The following KDELR3 variants were observed in gnomAD, a reference collection of about 807,000 sequenced individuals.
The protein encoded by KDELR3 is KDEL endoplasmic reticulum protein retention receptor 3.
In KDELR3, 26 loss-of-function variants were observed where a neutral mutation model predicts 22.7. The observed-to-expected ratio is 1.15, with a 90% CI of 0.84 to 1.59. The LOEUF (loss-of-function observed/expected upper bound fraction) is 1.59, where lower values mean the gene tolerates loss of function less well. Among genes scored for constraint, KDELR3 ranks in the 40% most tolerant of loss-of-function variants. KDELR3 has a pLI of 0.00. For missense variants in KDELR3, 289 were observed against 251.1 expected (o/e 1.15, Z -1.02); for synonymous variants, 120 against 98.2 (o/e 1.22, Z -1.31).
intron 2 of KDELR3, among the ~76,000 whole-genome samples, chr22:38,475,079 CAAAAAAAAAA>C (rs1018109138): frequency 7.3e-4 from 15 of 20,460 alleles, no homozygotes; most frequent in Non-Finnish European, 1.7e-3. Context: ...GACTCTGTCT[CAAAAAAAAAA>C]AAAAAAAAAA....
In KDELR3 at chr22:38,479,673, C is replaced by G. The variant is rs755785070; in HGVS notation, c.273C>G (p.Asp91Glu). The change falls in exon 3 of 5, where the codon GAC becomes GAG. Residue 91 changes from aspartate (D) to glutamate (E), a missense_variant. Asp to Glu is a conservative substitution (Grantham distance 45). Coordinates refer to ENST00000216014, the MANE Select transcript of KDELR3 (RefSeq NM_006855.4). ...KFRKTFDSEN[D>E]TFRLEFLLVP... ...GTAAAACTTTTGACAGTGAGAATGACACATTCCGCCTGGAGTTTCTTCTGG... is the reference window on the plus strand; with the variant it reads ...GTAAAACTTTTGACAGTGAGAATGAGACATTCCGCCTGGAGTTTCTTCTGG... The G allele has an allele frequency of 1.2e-6, 2 of 1,613,826 alleles. No individual in the cohort carries two copies. Among genetic ancestry groups the G allele is most frequent in the South Asian group, 1.1e-5 (1 of 91,084 alleles).
In KDELR3 at chr22:38,468,227, C is replaced by A. The variant is rs2089499027; in HGVS notation, c.-7C>A. 1.2e-6 allele frequency: 2 copies of A among 1,613,520 alleles called. No individual in the cohort carries two copies. Among genetic ancestry groups the A allele is most frequent in the Non-Finnish European group, 1.7e-6 (2 of 1,179,692 alleles). On this transcript the variant is annotated 5_prime_UTR_variant, in exon 1 of 5. It adds an upstream start codon to the 5' untranslated region. Coordinates refer to ENST00000216014, the MANE Select transcript of KDELR3 (RefSeq NM_006855.4). ...TGGGCGCGGGCGCACGACTGACTGG[C>A]TGGACCATGAACGTGTTCCGAATCC...
Position 38,474,584 on chromosome 22 carries a change from G to A in KDELR3, c.153G>A (p.Leu51=), listed in dbSNP as rs976330131. 1.9e-6 allele frequency: 3 copies of A among 1,614,060 alleles called. No individual in the cohort carries two copies. In the East Asian group the frequency reaches 6.7e-5, roughly 36 times the overall value. ...TCTTCACCACCAGGTACCTGGACCT[G>A]TTCACCAACTTCATCTCCATCTACA... is the stretch of plus-strand genomic sequence containing the variant. The part of the protein sequence containing the change: ...ALVFTTRYLD[L]FTNFISIYNT... The change falls in exon 2 of 5, where the codon CTG becomes CTA. Residue 51 remains leucine, a synonymous_variant. Coordinates refer to ENST00000216014, the MANE Select transcript of KDELR3 (RefSeq NM_006855.4).
chr22:38,474,324 A>G, intron 1 of KDELR3, 199 bp from the exon 2 acceptor site: 1 of 531,236 alleles, frequency 1.9e-6, no homozygotes, highest in South Asian at 2.4e-5. Flanking sequence ...CAGTTTAATG[A>G]GAGGAACGAC....
chr22:38,469,205 G>T (rs1048268554), intron 1 of KDELR3, among the ~76,000 whole-genome samples: 2 of 152,226 alleles, frequency 1.3e-5, no homozygotes, highest in African/African-American at 2.4e-5. Flanking sequence ...GGGCTCCGGG[G>T]ATGAAGAGGC....
Position 38,468,105 on chromosome 22 carries a change from G to T in KDELR3, c.-129G>T. 3 of 772,902 alleles carry T rather than the reference G, an allele frequency of 3.9e-6. 1 individual carries two copies. In the South Asian group the frequency reaches 5.0e-5, roughly 13 times the overall value. 47.9% of individuals were successfully genotyped at this position (772,902 alleles called of 1,614,324 possible). ...GCGGCGGCGCGCGGGTGCGATCGCG[G>T]AGCTGTGAGGCGCAGGCAGGGCTCT... On this transcript the variant is annotated 5_prime_UTR_variant, in exon 1 of 5. Transcript: ENST00000216014.
Position 38,468,167 on chromosome 22 carries a change from C to T in KDELR3, c.-67C>T. The T allele has an allele frequency of 3.5e-6, 5 of 1,440,404 alleles. No individual in the cohort carries two copies. Among genetic ancestry groups the T allele is most frequent in the Middle Eastern group, 1.8e-4 (1 of 5,714 alleles). The allele number at this position is 1,440,404 out of a possible 1,614,324, so 89.2% of individuals were successfully genotyped here. A position where few individuals can be genotyped will look rare whatever the true frequency, so the allele number is the denominator to read the frequency against. ...AGACCGGGGCCGGAGACGTGGCAGCCGCCCTGCCCGCCAGAAAGTTTCCTA... is the reference window on the plus strand; with the variant it reads ...AGACCGGGGCCGGAGACGTGGCAGCTGCCCTGCCCGCCAGAAAGTTTCCTA... On this transcript the variant is annotated 5_prime_UTR_variant, in exon 1 of 5. Transcript: ENST00000216014.
In KDELR3 at chr22:38,482,665, G is replaced by C; in HGVS notation, c.*129G>C. 1.3e-6 allele frequency: 1 copy of C among 795,048 alleles called. No homozygotes were observed. The highest frequency in any genetic ancestry group is 2.6e-5 in the East Asian group (1 of 37,898). The allele number at this position is 795,048 out of a possible 1,614,324, so 49.2% of individuals were successfully genotyped here. A position where few individuals can be genotyped will look rare whatever the true frequency, so the allele number is the denominator to read the frequency against. On this transcript the variant is annotated 3_prime_UTR_variant, in exon 5 of 5. Transcript: ENST00000216014. Reference sequence around the variant, plus strand: ...AGAAAAGTGTTTAGTGTGGATTTCAGCAAAACCTGATCATCCCACCCAGAA... The same window carrying C: ...AGAAAAGTGTTTAGTGTGGATTTCACCAAAACCTGATCATCCCACCCAGAA...
chr22:38,482,576 A>T lies in KDELR3; in HGVS notation c.*40A>T. 1 of 1,544,584 alleles carries T rather than the reference A, an allele frequency of 6.5e-7. No individual in the cohort carries two copies. Among genetic ancestry groups the T allele is most frequent in the Non-Finnish European group, 8.9e-7 (1 of 1,119,850 alleles). Reference sequence around the variant, plus strand: ...AGTCTACGCCTTAACAAGCACATGAAGGAAACTATTTTGAATGTTCTCTTT... The same window carrying T: ...AGTCTACGCCTTAACAAGCACATGATGGAAACTATTTTGAATGTTCTCTTT... On this transcript the variant is annotated 3_prime_UTR_variant, in exon 5 of 5. Transcript: ENST00000216014.
intron 4 of KDELR3, among the ~76,000 whole-genome samples, 195 bp from the exon 5 acceptor site, chr22:38,482,301 G>C (rs1276415087): frequency 6.6e-6 from 1 of 152,162 alleles, no homozygotes; most frequent in African/African-American, 2.4e-5. Context: ...TTACAGCTGG[G>C]GGGAAGGGTG....
intron 1 of KDELR3, among the ~76,000 whole-genome samples, chr22:38,473,224 A>C (rs2089535763): frequency 6.6e-6 from 1 of 152,100 alleles, no homozygotes; most frequent in Non-Finnish European, 1.5e-5. Flanking sequence ...GGAGTTTGAG[A>C]CCAGGCTGGG....
chr22:38,473,591 T>C (rs188283824), intron 1 of KDELR3, among the ~76,000 whole-genome samples: 4 of 152,244 alleles, frequency 2.6e-5, no homozygotes, highest in African/African-American at 4.8e-5. Context: ...CACTAGGGGT[T>C]TGGAATATTT....
At chr22:38,472,528 C>T (rs112001206) in intron 1 of KDELR3, among the ~76,000 whole-genome samples, 3 of 151,944 alleles carry the variant, frequency 2.0e-5, no homozygotes, top group Non-Finnish European at 4.4e-5. Flanking sequence ...AGGAGCATGA[C>T]AACAAAATGC....
In KDELR3 at chr22:38,481,596, A is replaced by T. The variant is rs2089602035; in HGVS notation, c.604+132A>T. The stretch of plus-strand genomic sequence containing the variant: ...CACAATGCTTGTGTTCTAATGCAAG[A>T]AGACAAATATTTTCAATAAAGAAAC... On this transcript the variant is annotated intron_variant, in intron 4 of 4. Coordinates refer to ENST00000216014, the MANE Select transcript of KDELR3 (RefSeq NM_006855.4). 6 of 1,522,834 alleles carry T rather than the reference A, an allele frequency of 3.9e-6. No individual in the cohort carries two copies. The African/African-American group carries it at 4.1e-5, about 11-fold the overall frequency. 94.3% of individuals were successfully genotyped at this position (1,522,834 alleles called of 1,614,324 possible). A position where few individuals can be genotyped will look rare whatever the true frequency, so the allele number is the denominator to read the frequency against.
At chr22:38,468,410 C>A in intron 1 of KDELR3, 86 bp downstream of exon 1, 1 of 1,214,190 alleles carries the variant, frequency 8.2e-7, no homozygotes, top group Non-Finnish European at 1.2e-6. Context: ...CTCCAGGTGT[C>A]TGCTCAGGGT....
intron 3 of KDELR3, 132 bp from the exon 4 acceptor site, chr22:38,481,080 A>T: frequency 1.3e-6 from 1 of 786,900 alleles, no homozygotes; most frequent in Non-Finnish European, 2.1e-6. Context: ...AAAATATTAT[A>T]ATTTTTATTG....
At position 38,476,374 on chromosome 22, in the gene KDELR3, T is replaced by C. The variant is rs570097370; in HGVS notation, c.192+1751T>C. Among the ~76,000 whole-genome samples the C allele has an allele frequency of 5.4e-5, 8 of 148,974 alleles. No homozygotes were observed. In the East Asian group the frequency reaches 6.1e-4, roughly 11 times the overall value. ...AGCTGGGACTACAGGCGCCTGCCAC[T>C]GCGCCCAGCTAAGTTTTGTATTTTT... is the stretch of plus-strand genomic sequence containing the variant. On this transcript the variant is annotated intron_variant, in intron 2 of 4. Transcript: ENST00000216014.
intron 1 of KDELR3, among the ~76,000 whole-genome samples, chr22:38,474,098 CT>C (rs1371974208): frequency 6.6e-6 from 1 of 152,184 alleles, no homozygotes; most frequent in Non-Finnish European, 1.5e-5. Context: ...GAATCAACAC[CT>C]TGTAAAGTCA....
rs992180872 is a variant in KDELR3, at chr22:38,482,428, T to C, written c.605-68T>C. 6.4e-6 allele frequency: 8 copies of C among 1,247,210 alleles called. No individual in the cohort carries two copies. In the African/African-American group the frequency reaches 1.0e-4, roughly 16 times the overall value. The allele number at this position is 1,247,210 out of a possible 1,614,324, so 77.3% of individuals were successfully genotyped here. A position where few individuals can be genotyped will look rare whatever the true frequency, so the allele number is the denominator to read the frequency against. The stretch of plus-strand genomic sequence containing the variant: ...CCATTAAGAGATGATACCAAGATTA[T>C]GCATCAAGTTATAAAGCAGTCCTTT... On this transcript the variant is annotated intron_variant, in intron 4 of 4. Coordinates refer to ENST00000216014, the MANE Select transcript of KDELR3 (RefSeq NM_006855.4).
Sources: allele counts gnomAD v4.1 joint callset (sites outside exome capture counted in the v4.1 genomes callset), GRCh38; gene constraint gnomAD v4.1.1; transcripts MANE v1.5; gene names NCBI Gene and HGNC (gene_info 2026-07-23, HGNC 2026-07-21).